MPP7: variants seen among roughly 807,000 people sequenced by gnomAD.
MPP7 encodes the protein MAGUK p55 scaffold protein 7, also known as MAGUK p55 subfamily member 7.
Under a neutral mutation model 76.5 loss-of-function variants are expected in MPP7, and 60 were observed. That is an observed-to-expected ratio of 0.78 (90% CI 0.64 to 0.97). MPP7 has a LOEUF of 0.97. Ranked by LOEUF, MPP7 falls within the 50% of genes least tolerant of loss-of-function variation. The pLI is 0.00. For missense variants in MPP7, 641 were observed against 694.0 expected, an observed-to-expected ratio of 0.92 and a Z score of 0.86; for synonymous variants, 237 against 244.5, an observed-to-expected ratio of 0.97 and a Z score of 0.29.
At chr10:28,160,699 G>C (rs1279218661) in intron 3 of MPP7, among the ~76,000 whole-genome samples, 1 of 152,124 alleles carries the variant, frequency 6.6e-6, no homozygotes. Flanking sequence ...AACTCATGGT[G>C]AACTATATGA....
chr10:28,099,708 G>A (rs1003035454), intron 11 of MPP7, among the ~76,000 whole-genome samples: 4 of 152,142 alleles, frequency 2.6e-5, no homozygotes, highest in African/African-American at 9.7e-5. Context: ...TCGGGAGGCT[G>A]AGGCAGGAGA....
At chr10:28,174,759 C>G (rs1836802263) in intron 3 of MPP7, among the ~76,000 whole-genome samples, 1 of 152,202 alleles carries the variant, frequency 6.6e-6, no homozygotes, top group Admixed American at 6.5e-5. Context: ...CATACACATT[C>G]AGGCAAAGAC....
chr10:28,172,278 TA>T (rs1288786255), intron 3 of MPP7, among the ~76,000 whole-genome samples: 1 of 152,214 alleles, frequency 6.6e-6, no homozygotes, highest in Non-Finnish European at 1.5e-5. Flanking sequence ...CATTGTTAAG[TA>T]AAATACGTGA....
At chr10:28,288,091 A>G (rs903820886) in intron 1 of MPP7, among the ~76,000 whole-genome samples, 2 of 152,244 alleles carry the variant, frequency 1.3e-5, no homozygotes, top group Non-Finnish European at 2.9e-5. Flanking sequence ...AGAAGCAGTT[A>G]TGAGAATCCA....
intron 3 of MPP7, among the ~76,000 whole-genome samples, chr10:28,198,781 G>A (rs1021300898): frequency 6.6e-6 from 1 of 152,120 alleles, no homozygotes; most frequent in African/African-American, 2.4e-5. Flanking sequence ...AAATGAGGTT[G>A]GGATACAAAA....
intron 3 of MPP7, among the ~76,000 whole-genome samples, chr10:28,165,886 G>A (rs949130972): frequency 3.9e-5 from 6 of 152,000 alleles, no homozygotes; most frequent in East Asian, 1.9e-4. Flanking sequence ...TTAGCTGGGC[G>A]TGGTGGCGCA....
chr10:28,155,604 A>G (rs1270370719), intron 3 of MPP7, among the ~76,000 whole-genome samples: 1 of 150,832 alleles, frequency 6.6e-6, no homozygotes, highest in Non-Finnish European at 1.5e-5. Flanking sequence ...TCTCCAAAAA[A>G]AAAAAGAAAG....
At chr10:28,086,304 TAAAG>T (rs984725582) in intron 12 of MPP7, among the ~76,000 whole-genome samples, 1 of 151,278 alleles carries the variant, frequency 6.6e-6, no homozygotes, top group Non-Finnish European at 1.5e-5. Context: ...TAAAGGAAAG[TAAAG>T]AAAGAAAGAA....
At chr10:28,208,593 A>C (rs1182693208) in intron 2 of MPP7, among the ~76,000 whole-genome samples, 1 of 152,224 alleles carries the variant, frequency 6.6e-6, no homozygotes, top group East Asian at 1.9e-4. Flanking sequence ...AGAAAGAAAA[A>C]GCAAATAAGA....
intron 1 of MPP7, among the ~76,000 whole-genome samples, chr10:28,287,270 C>T (rs1380423187): frequency 2.6e-5 from 4 of 151,916 alleles, no homozygotes; most frequent in African/African-American, 7.3e-5. Context: ...AATATGCAGA[C>T]GGTTAATAAG....
At chr10:28,103,567 C>T (rs1252474773) in intron 11 of MPP7, among the ~76,000 whole-genome samples, 1 of 152,142 alleles carries the variant, frequency 6.6e-6, no homozygotes, top group Non-Finnish European at 1.5e-5. Context: ...ATCACCCCAT[C>T]TTCATTTCCA....
At chr10:28,134,590 A>G (rs1407972861) in intron 5 of MPP7, among the ~76,000 whole-genome samples, 2 of 152,162 alleles carry the variant, frequency 1.3e-5, no homozygotes, top group African/African-American at 4.8e-5. Context: ...GAAGAAATAA[A>G]CAACATCAAG....
upstream of MPP7, among the ~76,000 whole-genome samples, chr10:28,335,074 G>A (rs1834504954): frequency 6.6e-6 from 1 of 152,202 alleles, no homozygotes; most frequent in African/African-American, 2.4e-5. Flanking sequence ...TCACCCTCAA[G>A]TTCCCGACAC....
At chr10:28,175,317 C>T (rs1836823581) in intron 3 of MPP7, among the ~76,000 whole-genome samples, 1 of 151,546 alleles carries the variant, frequency 6.6e-6, no homozygotes, top group Non-Finnish European at 1.5e-5. Context: ...AAAGAAACTT[C>T]CAAGAACAGG....
At chr10:28,294,293 C>G (rs1005228847) in intron 1 of MPP7, among the ~76,000 whole-genome samples, 1 of 152,168 alleles carries the variant, frequency 6.6e-6, no homozygotes, top group South Asian at 2.1e-4. Context: ...GGGGACAGAG[C>G]AAGACTCCGT....
intron 2 of MPP7, among the ~76,000 whole-genome samples, chr10:28,308,940 C>G (rs748962073): frequency 1.3e-5 from 2 of 152,128 alleles, no homozygotes; most frequent in Non-Finnish European, 2.9e-5. Context: ...TTGGAAAACT[C>G]TAAAACTAGT....
In MPP7 at chr10:28,059,656, T is replaced by C. The variant is rs148937697; in HGVS notation, c.1292A>G (p.Asn431Ser). Residue 431 changes from asparagine (N) to serine (S), a missense_variant, in exon 14 of 17, where the codon AAT (asparagine) becomes AGT (serine). Coordinates refer to ENST00000683449, the MANE Select transcript of MPP7 (RefSeq NM_001318170.2). Reference protein sequence around the residue: ...SKHLFETDVQNNKFIEYGEYK... With the variant: ...SKHLFETDVQSNKFIEYGEYK... ...CTCAAAAATGTCCACATACTTGTTA[T>C]TTTGTACATCTGTCTCAAACAAATG... 3.7e-5 allele frequency: 59 copies of C among 1,611,050 alleles called. No individual in the cohort carries two copies. The highest frequency in any genetic ancestry group is 4.5e-5 in the Non-Finnish European group (53 of 1,177,714).
intron 3 of MPP7, among the ~76,000 whole-genome samples, chr10:28,194,903 A>T (rs1041231474): frequency 6.6e-6 from 1 of 152,248 alleles, no homozygotes; most frequent in Non-Finnish European, 1.5e-5. Flanking sequence ...TGGTTCGTTA[A>T]TTGACAAATG....
intron 2 of MPP7, among the ~76,000 whole-genome samples, chr10:28,322,105 C>T (rs1207183583): frequency 2.0e-5 from 3 of 151,890 alleles, no homozygotes; most frequent in East Asian, 1.9e-4. Context: ...AGTCACAGAT[C>T]CAGGGAGGTG....
Sources: allele counts gnomAD v4.1 joint callset (sites outside exome capture counted in the v4.1 genomes callset), GRCh38; gene constraint gnomAD v4.1.1; transcripts MANE v1.5; gene names NCBI Gene and HGNC (gene_info 2026-07-23, HGNC 2026-07-21).